The following ROBO2 variants were observed in gnomAD, a reference collection of about 807,000 sequenced individuals.
ROBO2 encodes the protein roundabout homolog 2.
ROBO2 carries 53 observed loss-of-function variants against 160.8 expected under a neutral mutation model. The ratio of observed to expected loss-of-function variants is 0.33; its 90% CI spans 0.26 to 0.41. ROBO2 has a LOEUF of 0.41. ROBO2 is among the 10% of genes least tolerant of loss of function. The pLI is 1.00. For synonymous variants in ROBO2, 664 were observed against 611.7 expected (o/e 1.09, Z -1.26); for missense variants, 1,577 against 1,722.4 (o/e 0.92, Z 1.49).
chr3:77,221,916 G>A (rs1337325300), intron 2 of ROBO2, among the ~76,000 whole-genome samples: 1 of 142,434 alleles, frequency 7.0e-6, no homozygotes, highest in Non-Finnish European at 1.5e-5. Context: ...GCAGTGGCAC[G>A]ATCTCGGCTC....
At chr3:77,293,061 A>C (rs1206819513) in intron 2 of ROBO2, among the ~76,000 whole-genome samples, 4 of 150,770 alleles carry the variant, frequency 2.7e-5, no homozygotes, top group African/African-American at 9.7e-5. Flanking sequence ...GGGTAAGCTG[A>C]GGCTAGAGCA....
At chr3:75,933,223 A>G (rs3914256) in intron 1 of ROBO2, among the ~76,000 whole-genome samples, 151,245 of 152,322 alleles carry the variant, frequency 0.99, 75,091 homozygotes, top group Middle Eastern at 1. Flanking sequence ...ACTGGAACTC[A>G]AGAGCTGTAA....
chr3:76,737,395 C>G (rs1175919776), intron 2 of ROBO2, among the ~76,000 whole-genome samples: 1 of 150,798 alleles, frequency 6.6e-6, no homozygotes, highest in African/African-American at 2.4e-5. Flanking sequence ...TCCTCAATTT[C>G]GTTTGTAAAT....
chr3:76,378,437 T>G (rs1422957840), intron 2 of ROBO2, among the ~76,000 whole-genome samples: 1 of 152,194 alleles, frequency 6.6e-6, no homozygotes, highest in African/African-American at 2.4e-5. Flanking sequence ...AGTTCAAGTA[T>G]CATCCAGCCA....
At chr3:76,095,461 A>G (rs932552765) in intron 2 of ROBO2, among the ~76,000 whole-genome samples, 1 of 152,160 alleles carries the variant, frequency 6.6e-6, no homozygotes. Flanking sequence ...GCAAAACCAA[A>G]TAAGACAAGC....
intron 2 of ROBO2, among the ~76,000 whole-genome samples, chr3:77,190,177 A>G (rs936271465): frequency 2.0e-5 from 3 of 151,938 alleles, no homozygotes; most frequent in African/African-American, 7.2e-5. Flanking sequence ...AAATTTCTGC[A>G]AAGATCCTAT....
chr3:77,009,036 A>G (rs1215009529), intron 2 of ROBO2, among the ~76,000 whole-genome samples: 1 of 152,210 alleles, frequency 6.6e-6, no homozygotes, highest in Non-Finnish European at 1.5e-5. Flanking sequence ...AGGATACTGA[A>G]GCATTCTTGC....
At chr3:76,142,957 AAAAT>A (rs964261120) in intron 2 of ROBO2, among the ~76,000 whole-genome samples, 2 of 151,972 alleles carry the variant, frequency 1.3e-5, no homozygotes, top group African/African-American at 2.4e-5. Context: ...AATAAAAATA[AAAAT>A]AAATAGTGGT....
chr3:76,764,328 T>G (rs2061464303), intron 2 of ROBO2, among the ~76,000 whole-genome samples: 1 of 151,770 alleles, frequency 6.6e-6, no homozygotes, highest in Non-Finnish European at 1.5e-5. Flanking sequence ...CATAGTTTGT[T>G]TAAACATGCT....
chr3:76,354,721 C>T (rs7429956), intron 2 of ROBO2, among the ~76,000 whole-genome samples: 144,410 of 151,818 alleles, frequency 0.95, 68,994 homozygotes, highest in Non-Finnish European at 1. Flanking sequence ...TTTTGGGAAA[C>T]GTAATGAAAA....
chr3:76,843,794 C>A (rs1160714), intron 2 of ROBO2, among the ~76,000 whole-genome samples: 2 of 151,668 alleles, frequency 1.3e-5, no homozygotes, highest in Non-Finnish European at 2.9e-5. Context: ...TTTTATAAGT[C>A]CTGTTCTAAA....
intron 22 of ROBO2, among the ~76,000 whole-genome samples, chr3:77,620,856 T>C (rs1017951512): frequency 4.6e-5 from 7 of 152,206 alleles, no homozygotes; most frequent in African/African-American, 1.7e-4. Flanking sequence ...AAATGCATAG[T>C]ACTTTTTAAG....
intron 2 of ROBO2, among the ~76,000 whole-genome samples, chr3:76,931,647 G>A (rs1235548329): frequency 6.6e-6 from 1 of 151,478 alleles, no homozygotes; most frequent in Non-Finnish European, 1.5e-5. Context: ...AAGTATCTTC[G>A]TCAGTCTAGT....
At chr3:76,794,475 C>T (rs564241009) in intron 2 of ROBO2, among the ~76,000 whole-genome samples, 6 of 151,936 alleles carry the variant, frequency 3.9e-5, no homozygotes, top group East Asian at 1.9e-4. Flanking sequence ...ATATAGTATA[C>T]GTGAAGGTAA....
chr3:76,274,094 G>T (rs571253407), intron 2 of ROBO2, among the ~76,000 whole-genome samples: 6 of 152,240 alleles, frequency 3.9e-5, no homozygotes, highest in Admixed American at 2.0e-4. Context: ...AATATGTGAG[G>T]TGTTACATAT....
intron 2 of ROBO2, among the ~76,000 whole-genome samples, chr3:76,048,547 A>C (rs1180587869): frequency 6.6e-6 from 1 of 152,322 alleles, no homozygotes; most frequent in South Asian, 2.1e-4. Context: ...TATGAATGAT[A>C]ATTTATACAT....
intron 2 of ROBO2, among the ~76,000 whole-genome samples, chr3:76,073,362 G>C (rs1265443579): frequency 2.5e-5 from 3 of 121,664 alleles, no homozygotes; most frequent in African/African-American, 6.3e-5. Context: ...GGCGCGATCT[G>C]GGCTCACTGC....
intron 9 of ROBO2, among the ~76,000 whole-genome samples, chr3:77,558,361 C>T (rs191595397): frequency 1.7e-4 from 26 of 152,150 alleles, no homozygotes; most frequent in African/African-American, 5.8e-4. Context: ...AACAGAATCT[C>T]GAAACTTTTA....
intron 6 of ROBO2, among the ~76,000 whole-genome samples, chr3:77,544,703 C>G (rs940281138): frequency 6.6e-6 from 1 of 152,046 alleles, no homozygotes; most frequent in Non-Finnish European, 1.5e-5. Flanking sequence ...CAGTTTTTAC[C>G]AGACATCACT....
Sources: gnomAD v4.1 joint callset for allele counts (sites outside exome capture counted in the v4.1 genomes callset) on GRCh38, gnomAD v4.1.1 for gene constraint, MANE v1.5 for transcripts, NCBI Gene and HGNC (gene_info 2026-07-23, HGNC 2026-07-21) for gene names.